Variants in ARRDC5 observed in about 807,000 individuals in gnomAD.
ARRDC5 encodes the protein arrestin domain-containing protein 5.
A neutral mutation model predicts 13.3 loss-of-function variants in ARRDC5; 12 were observed. The ratio of observed to expected loss-of-function variants is 0.90; its 90% CI spans 0.58 to 1.46. The LOEUF (loss-of-function observed/expected upper bound fraction) is 1.46. Ranked by LOEUF, ARRDC5 falls within the 40% of genes most tolerant of loss-of-function variation. The pLI is 0.00. For synonymous variants in ARRDC5, 181 were observed against 173.4 expected (o/e 1.04, Z -0.34); for missense variants, 406 against 418.7 (o/e 0.97, Z 0.26).
At position 4,890,958 on chromosome 19, in the gene ARRDC5, C is replaced by G. The variant is rs906401107; in HGVS notation, c.*88G>C. The G allele has an allele frequency of 3.4e-6, 4 of 1,177,482 alleles. No homozygotes were observed. In the East Asian group the frequency reaches 7.6e-5, roughly 22 times the overall value. The allele number at this position is 1,177,482 out of a possible 1,614,324, so 72.9% of individuals were successfully genotyped here. A position where few individuals can be genotyped will look rare whatever the true frequency, so the allele number is the denominator to read the frequency against. On this transcript the variant is annotated 3_prime_UTR_variant, in exon 3 of 3. Coordinates refer to ENST00000650722, the MANE Select transcript of ARRDC5 (RefSeq NM_001080523.3). The stretch of plus-strand genomic sequence containing the variant: ...TGCAGACAACCTGTTGCCCACTCCT[C>G]GACTCCTCTGAGAGTCACCTGTGCA...
chr19:4,908,269 C>T, the ARRDC5 span, among the ~76,000 whole-genome samples: 7,565 of 152,160 alleles, frequency 0.05, 222 homozygotes, highest in Non-Finnish European at 0.061. Flanking sequence ...TCTTCGGGGG[C>T]CATGATCTGT....
intron 2 of ARRDC5, among the ~76,000 whole-genome samples, chr19:4,893,114 A>ATATATATTATAATAATATAATATATAT (rs2031567672): frequency 7.1e-6 from 1 of 141,720 alleles, no homozygotes; most frequent in South Asian, 2.1e-4. Context: ...AAATAAATAT[A>ATATATATTATAATAATATAATATATAT]TATATTATAA....
intron 1 of ARRDC5, among the ~76,000 whole-genome samples, chr19:4,897,825 G>A (rs1418380817): frequency 6.6e-6 from 1 of 152,212 alleles, no homozygotes; most frequent in African/African-American, 2.4e-5. Flanking sequence ...AGTGGCTCAC[G>A]CCTGCAATCC....
In ARRDC5 at chr19:4,902,744, T is replaced by A; in HGVS notation, c.82A>T (p.Ile28Phe). ...ACCAGGGTGCTGTTCAGGGTTAAGATCACCTGCCCTTTTATGCTGGAGCCA... is the reference window on the plus strand; with the variant it reads ...ACCAGGGTGCTGTTCAGGGTTAAGAACACCTGCCCTTTTATGCTGGAGCCA... ...LAGSSIKGQV[I>F]LTLNSTLVDP... is the part of the protein sequence containing the mutation. The change falls in exon 1 of 3, where the codon ATC (isoleucine) becomes TTC (phenylalanine). Residue 28 changes from isoleucine to phenylalanine, a missense_variant. Ile to Phe is a conservative substitution (Grantham distance 21, BLOSUM62 0). Transcript: ENST00000650722. 6.2e-7 allele frequency: 1 copy of A among 1,614,018 alleles called. No homozygotes were observed. Among genetic ancestry groups the A allele is most frequent in the Non-Finnish European group, 8.5e-7 (1 of 1,179,892 alleles).
In ARRDC5 at chr19:4,891,265, G is replaced by T. The variant is rs377701286; in HGVS notation, c.768C>A (p.Thr256=). ...CGGACAGCAGCAACGGCAGGTTGAA[G>T]GTGCTGACAACCTTGGTGGTGTTGA... ...TRFNTTKVVS[T]FNLPLLLSVS... is the part of the protein sequence containing the mutation. The change falls in exon 3 of 3, where the codon ACC becomes ACA. Residue 256 remains threonine, a synonymous_variant. Coordinates refer to ENST00000650722, the MANE Select transcript of ARRDC5 (RefSeq NM_001080523.3). The T allele has an allele frequency of 2.5e-6, 4 of 1,613,834 alleles. No homozygotes were observed. The highest frequency in any genetic ancestry group is 3.4e-6 in the Non-Finnish European group (4 of 1,179,898).
Position 4,896,329 on chromosome 19 carries a change from A to AAAAAATAT in ARRDC5, c.459+341_459+342insATATTTTT, listed in dbSNP as rs1371235915. ...ACTGCATCTCAAAAAAAAAAAAAAA[A>AAAAAATAT]ATATATATATATATATATATTTTTT... is the stretch of plus-strand genomic sequence containing the variant. On this transcript the variant is annotated intron_variant, in intron 2 of 2. Coordinates refer to ENST00000650722, the MANE Select transcript of ARRDC5 (RefSeq NM_001080523.3). Among the ~76,000 whole-genome samples the AAAAAATAT allele has an allele frequency of 8.2e-5, 6 of 73,394 alleles. 1 individual carries two copies. Among genetic ancestry groups the AAAAAATAT allele is most frequent in the African/African-American group, 2.3e-4 (4 of 17,270 alleles). The allele number at this position is 73,394 out of a possible 152,430, so 48.1% of individuals were successfully genotyped here.
intron 1 of ARRDC5, among the ~76,000 whole-genome samples, chr19:4,897,447 G>A (rs2031772798): frequency 6.6e-6 from 1 of 152,120 alleles, no homozygotes; most frequent in Non-Finnish European, 1.5e-5. Flanking sequence ...AACCACTGAA[G>A]GGCTCTTGCA....
At chr19:4,901,645 A>G (rs894913267) in intron 1 of ARRDC5, among the ~76,000 whole-genome samples, 1 of 152,094 alleles carries the variant, frequency 6.6e-6, no homozygotes, top group Non-Finnish European at 1.5e-5. Flanking sequence ...ATAAGATACA[A>G]ATAAATAAAT....
upstream of ARRDC5, among the ~76,000 whole-genome samples, chr19:4,904,036 G>A (rs570238186): frequency 6.6e-6 from 1 of 151,956 alleles, no homozygotes; most frequent in Non-Finnish European, 1.5e-5. Context: ...GAGTGCAGTG[G>A]CGTGATCTCG....
At chr19:4,895,160 G>A (rs949945283) in intron 2 of ARRDC5, among the ~76,000 whole-genome samples, 17 of 151,600 alleles carry the variant, frequency 1.1e-4, no homozygotes, top group African/African-American at 2.9e-4. Context: ...GGTGGCTAAC[G>A]CCTGTAATCC....
the ARRDC5 span, chr19:4,911,020 G>A: frequency 6.2e-7 from 1 of 1,605,874 alleles, no homozygotes; most frequent in Admixed American, 1.7e-5. Flanking sequence ...TGCAGAGGCT[G>A]TTCTACAGGG....
intron 1 of ARRDC5, 54 bp from the exon 2 acceptor site, chr19:4,896,930 C>T (rs2031758355): frequency 1.6e-6 from 2 of 1,243,782 alleles, no homozygotes; most frequent in Non-Finnish European, 2.3e-6. Flanking sequence ...TTTTTTCCTT[C>T]TTCTTCTTTT....
At chr19:4,901,980 G>A (rs558468557) in intron 1 of ARRDC5, among the ~76,000 whole-genome samples, 13 of 152,176 alleles carry the variant, frequency 8.5e-5, no homozygotes, top group Non-Finnish European at 1.8e-4. Flanking sequence ...TCCCCTTCAC[G>A]AGTTCAAGTG....
At position 4,902,553 on chromosome 19, in the gene ARRDC5, G is replaced by A; in HGVS notation, c.253+20C>T. 6.2e-7 allele frequency: 1 copy of A among 1,609,598 alleles called. No individual in the cohort carries two copies. The highest frequency in any genetic ancestry group is 1.1e-5 in the South Asian group (1 of 91,014). ...CAGGTTCCTGTCATGGCTAGGGGTG[G>A]CTGTTGGCCTCGTCCTTACCCTCCA... On this transcript the variant is annotated intron_variant, in intron 1 of 2. Coordinates refer to ENST00000650722, the MANE Select transcript of ARRDC5 (RefSeq NM_001080523.3).
the ARRDC5 span, among the ~76,000 whole-genome samples, chr19:4,911,601 G>T: frequency 6.6e-6 from 1 of 152,184 alleles, no homozygotes; most frequent in Admixed American, 6.6e-5. Context: ...GACCTGGGGC[G>T]TGTGGTCCCC....
At chr19:4,905,283 A>AT (rs942874766), upstream of ARRDC5, among the ~76,000 whole-genome samples, 8 of 146,010 alleles carry the variant, frequency 5.5e-5, no homozygotes, top group Non-Finnish European at 7.6e-5. Flanking sequence ...TGCCCGGCTA[A>AT]TTTTTTTTTG....
intron 2 of ARRDC5, among the ~76,000 whole-genome samples, chr19:4,892,978 C>T (rs942968361): frequency 2.7e-5 from 4 of 150,590 alleles, no homozygotes; most frequent in Non-Finnish European, 4.4e-5. Flanking sequence ...TGGCAGGCGT[C>T]GGCAATCCCA....
intron 1 of ARRDC5, 22 bp from the exon 2 acceptor site, chr19:4,896,898 G>A: frequency 1.3e-6 from 2 of 1,552,002 alleles, no homozygotes; most frequent in South Asian, 2.2e-5. Flanking sequence ...ACACACCGAT[G>A]CCATCAGAAG....
chr19:4,909,210 G>C, the ARRDC5 span: 1 of 481,258 alleles, frequency 2.1e-6, no homozygotes, highest in Non-Finnish European at 3.7e-6. Flanking sequence ...GAGTTCAGGG[G>C]GTCTGTACCC....
Sources: gnomAD v4.1 joint callset for allele counts (sites outside exome capture counted in the v4.1 genomes callset) on GRCh38, gnomAD v4.1.1 for gene constraint, MANE v1.5 for transcripts, NCBI Gene and HGNC (gene_info 2026-07-23, HGNC 2026-07-21) for gene names.